CADPS: variants seen among roughly 807,000 people sequenced by gnomAD.
The protein encoded by CADPS is calcium dependent secretion activator, also known as calcium-dependent secretion activator 1.
CADPS carries 57 observed loss-of-function variants against 167.3 expected under a neutral mutation model. The ratio of observed to expected loss-of-function variants is 0.34; its 90% CI spans 0.28 to 0.42. The LOEUF (loss-of-function observed/expected upper bound fraction) is 0.42. Among genes scored for constraint, CADPS ranks in the 20% least tolerant of loss-of-function variants. The probability of loss-of-function intolerance (pLI) is 1.00; values close to 1 mark genes in which losing one functional copy is unlikely to be tolerated. For missense variants in CADPS, 1,414 were observed against 1,738.1 expected (o/e 0.81, Z 3.32); for synonymous variants, 676 against 635.3 (o/e 1.06, Z -0.96).
chr3:62,402,239 CGGGGGGGGG>C (rs58033665), intron 29 of CADPS, among the ~76,000 whole-genome samples: 6 of 52,638 alleles, frequency 1.1e-4, no homozygotes, highest in Non-Finnish European at 3.8e-5. Context: ...GGGGTGGGGG[CGGGGGGGGG>C]GGGTGCCCAG....
chr3:62,568,016 G>C lies in CADPS; in HGVS notation c.1644+2856C>G, dbSNP rs2080590496. ...TTTTGCATGAAAGACAATCCAGTGG[G>C]ACTGTCAATCCAAGTGCCATCCCTT... On this transcript the variant is annotated intron_variant, in intron 9 of 29. Coordinates refer to ENST00000383710, the MANE Select transcript of CADPS (RefSeq NM_003716.4). 2.0e-5 allele frequency among the ~76,000 whole-genome samples: 3 copies of C among 152,132 alleles called. No individual in the cohort carries two copies. In the South Asian group the frequency reaches 6.2e-4, roughly 32 times the overall value.
At position 62,492,372 on chromosome 3, in the gene CADPS, A is replaced by G. The variant is rs751168695; in HGVS notation, c.2802T>C (p.Asp934=). The G allele has an allele frequency of 6.2e-7, 1 of 1,614,128 alleles. No individual in the cohort carries two copies. The highest frequency in any genetic ancestry group is 8.5e-7 in the Non-Finnish European group (1 of 1,179,952). ...TFLSLFAVDM[D]AALEVQPPDT... is the part of the protein sequence containing the mutation. ...CTGGAGGTTGCACCTCTAAGGCTGC[A>G]TCCATGTCTACTGCAAAGAGTGACA... Residue 934 remains aspartate, a synonymous_variant, in exon 20 of 30, where the codon GAT becomes GAC. Transcript: ENST00000383710.
At chr3:62,767,008 A>G (rs1474659965) in intron 1 of CADPS, among the ~76,000 whole-genome samples, 3 of 152,192 alleles carry the variant, frequency 2.0e-5, no homozygotes, top group Non-Finnish European at 4.4e-5. Context: ...ACATGAATGA[A>G]TGAATGGAGT....
At chr3:62,531,867 C>T (rs1339843488) in intron 13 of CADPS, among the ~76,000 whole-genome samples, 1 of 152,200 alleles carries the variant, frequency 6.6e-6, no homozygotes, top group African/African-American at 2.4e-5. Flanking sequence ...TTATTTGCTG[C>T]TTTGCATTAT....
chr3:62,798,110 C>G (rs115428402), intron 1 of CADPS, among the ~76,000 whole-genome samples: 1 of 152,190 alleles, frequency 6.6e-6, no homozygotes, highest in African/African-American at 2.4e-5. Context: ...CTGAGATAAA[C>G]GCAATGAAGC....
chr3:62,562,097 T>C (rs186500421), intron 9 of CADPS, among the ~76,000 whole-genome samples: 16 of 152,294 alleles, frequency 1.1e-4, no homozygotes, highest in Admixed American at 3.9e-4. Flanking sequence ...GAGAGGTATA[T>C]GGTACTGTAA....
intron 1 of CADPS, among the ~76,000 whole-genome samples, chr3:62,783,300 C>T (rs1260084861): frequency 2.0e-5 from 3 of 150,374 alleles, no homozygotes; most frequent in Non-Finnish European, 3.0e-5. Context: ...TTTTTTTGAA[C>T]CACTAAGAAC....
chr3:62,818,077 T>C (rs974781649), intron 1 of CADPS, among the ~76,000 whole-genome samples: 2 of 152,106 alleles, frequency 1.3e-5, no homozygotes, highest in Admixed American at 6.6e-5. Flanking sequence ...AAGTCCAGAG[T>C]GAGACAGAAA....
At chr3:62,840,334 C>T (rs374389143) in intron 1 of CADPS, among the ~76,000 whole-genome samples, 9 of 152,066 alleles carry the variant, frequency 5.9e-5, no homozygotes, top group Admixed American at 1.3e-4. Context: ...TACTATTAAA[C>T]GGCATTAAAT....
At chr3:62,766,777 T>A (rs1416597857) in intron 1 of CADPS, among the ~76,000 whole-genome samples, 1 of 152,194 alleles carries the variant, frequency 6.6e-6, no homozygotes, top group Non-Finnish European at 1.5e-5. Context: ...ATGCCATCCA[T>A]CAGGTATCAA....
chr3:62,760,357 C>G (rs948165059), intron 2 of CADPS, among the ~76,000 whole-genome samples: 12 of 152,130 alleles, frequency 7.9e-5, no homozygotes, highest in Non-Finnish European at 1.6e-4. Flanking sequence ...CAGTGTGTAA[C>G]AGGACTAGAA....
At chr3:62,765,796 C>T in intron 2 of CADPS, 75 bp downstream of exon 2, 3 of 861,438 alleles carry the variant, frequency 3.5e-6, no homozygotes, top group Non-Finnish European at 3.7e-6. Flanking sequence ...CGACTGTCCC[C>T]ATTGCCCTGC....
chr3:62,422,743 C>G (rs1245818848), intron 28 of CADPS, among the ~76,000 whole-genome samples: 1 of 152,172 alleles, frequency 6.6e-6, no homozygotes, highest in African/African-American at 2.4e-5. Context: ...CTGTCGATTA[C>G]TCACCTCCCC....
At chr3:62,530,656 T>C in intron 13 of CADPS, 10 of 1,287,306 alleles carry the variant, frequency 7.8e-6, no homozygotes, top group Non-Finnish European at 1.0e-5. Context: ...CTTCTTACCT[T>C]TTCAGCTCTT....
chr3:62,826,402 A>C (rs1045918464), intron 1 of CADPS, among the ~76,000 whole-genome samples: 1 of 152,222 alleles, frequency 6.6e-6, no homozygotes, highest in East Asian at 1.9e-4. Flanking sequence ...ATATTGTATG[A>C]TAGCTATGCA....
chr3:62,660,715 A>G (rs1426095130), intron 4 of CADPS, among the ~76,000 whole-genome samples: 7 of 152,090 alleles, frequency 4.6e-5, no homozygotes, highest in African/African-American at 1.4e-4. Context: ...ATATGCCCAC[A>G]GGGCCTGTGA....
intron 6 of CADPS, among the ~76,000 whole-genome samples, chr3:62,617,626 T>C (rs925126592): frequency 6.6e-6 from 1 of 152,048 alleles, no homozygotes; most frequent in African/African-American, 2.4e-5. Flanking sequence ...GGGCTAAGGA[T>C]CATATAATGT....
chr3:62,497,262 G>A lies in CADPS; in HGVS notation c.2706+1900C>T, dbSNP rs139784942. On this transcript the variant is annotated intron_variant, in intron 18 of 29. Coordinates refer to ENST00000383710, the MANE Select transcript of CADPS (RefSeq NM_003716.4). Reference sequence around the variant, plus strand: ...CAAAAATAACTTGATTATAAATCAAGTATATCTGTCATTTTTCTTCTCCTC... The same window carrying A: ...CAAAAATAACTTGATTATAAATCAAATATATCTGTCATTTTTCTTCTCCTC... 2.3e-3 allele frequency among the ~76,000 whole-genome samples: 343 copies of A among 152,234 alleles called. 1 individual carries two copies. The highest frequency in any genetic ancestry group is 7.8e-3 in the African/African-American group (325 of 41,550).
intron 4 of CADPS, among the ~76,000 whole-genome samples, chr3:62,654,275 T>C (rs1050267465): frequency 1.3e-5 from 2 of 152,138 alleles, no homozygotes; most frequent in Non-Finnish European, 2.9e-5. Context: ...TAAACTGTCT[T>C]CCTTGAGCTT....
Sources: gnomAD v4.1 joint callset for allele counts (sites outside exome capture counted in the v4.1 genomes callset) on GRCh38, gnomAD v4.1.1 for gene constraint, MANE v1.5 for transcripts, NCBI Gene and HGNC (gene_info 2026-07-23, HGNC 2026-07-21) for gene names.